ESRRG: variants seen among roughly 807,000 people sequenced by gnomAD.
ESRRG encodes estrogen-related receptor gamma.
In ESRRG, 13 loss-of-function variants were observed where a neutral mutation model predicts 44.0. The observed-to-expected ratio is 0.30, with a 90% CI of 0.19 to 0.47. The LOEUF is 0.47. ESRRG is among the 20% of genes least tolerant of loss of function. ESRRG has a pLI of 1.00. For missense variants in ESRRG, 395 were observed against 580.6 expected, an observed-to-expected ratio of 0.68 and a Z score of 3.29; for synonymous variants, 215 against 214.6, an observed-to-expected ratio of 1.00 and a Z score of -0.02.
chr1:216,539,552 G>A (rs2052055413), intron 5 of ESRRG, among the ~76,000 whole-genome samples: 1 of 151,852 alleles, frequency 6.6e-6, no homozygotes, highest in South Asian at 2.1e-4. Flanking sequence ...GCACACTCCT[G>A]CCTCAGGACC....
At chr1:217,006,637 C>T (rs2077776547) in intron 1 of ESRRG, among the ~76,000 whole-genome samples, 2 of 152,090 alleles carry the variant, frequency 1.3e-5, no homozygotes, top group Non-Finnish European at 2.9e-5. Flanking sequence ...GAATGGGACT[C>T]AAGTCTAAAC....
chr1:216,796,001 G>A (rs1199453813), intron 2 of ESRRG, among the ~76,000 whole-genome samples: 7 of 152,180 alleles, frequency 4.6e-5, no homozygotes, highest in Non-Finnish European at 7.3e-5. Context: ...TTGCATATCA[G>A]GTATTGGTGT....
intron 1 of ESRRG, among the ~76,000 whole-genome samples, chr1:216,961,517 T>C (rs1456843513): frequency 1.3e-5 from 2 of 151,478 alleles, no homozygotes; most frequent in African/African-American, 4.8e-5. Context: ...TTAAGTATAT[T>C]CCTACATTCC....
intron 2 of ESRRG, among the ~76,000 whole-genome samples, chr1:216,929,026 T>A (rs1337869938): frequency 6.6e-6 from 1 of 152,100 alleles, no homozygotes; most frequent in East Asian, 1.9e-4. Flanking sequence ...TAGAGATGGA[T>A]GATGAACAAG....
intron 2 of ESRRG, among the ~76,000 whole-genome samples, chr1:216,665,643 A>C (rs1232014780): frequency 1.3e-5 from 2 of 152,192 alleles, no homozygotes; most frequent in East Asian, 3.8e-4. Context: ...CATATAGTTA[A>C]CACTAATGTA....
At chr1:216,670,327 A>G (rs560787825) in intron 2 of ESRRG, among the ~76,000 whole-genome samples, 1 of 152,376 alleles carries the variant, frequency 6.6e-6, no homozygotes, top group African/African-American at 2.4e-5. Context: ...AGTTGATTGC[A>G]TCAGATCCAA....
intron 1 of ESRRG, among the ~76,000 whole-genome samples, chr1:217,074,240 G>A (rs1208101146): frequency 6.6e-6 from 1 of 151,498 alleles, no homozygotes; most frequent in Non-Finnish European, 1.5e-5. Context: ...GTAGAGACAG[G>A]GTTTCACCAT....
intron 2 of ESRRG, among the ~76,000 whole-genome samples, chr1:216,833,873 C>G (rs2095523495): frequency 6.6e-6 from 1 of 152,130 alleles, no homozygotes; most frequent in Non-Finnish European, 1.5e-5. Flanking sequence ...TTGAGGCTGG[C>G]TCGAGGAGCA....
At chr1:216,549,648 C>A (rs1476978000) in intron 5 of ESRRG, among the ~76,000 whole-genome samples, 1 of 152,046 alleles carries the variant, frequency 6.6e-6, no homozygotes, top group Non-Finnish European at 1.5e-5. Flanking sequence ...TCTTTCTTGG[C>A]CATACTGGGG....
intron 1 of ESRRG, among the ~76,000 whole-genome samples, chr1:216,953,083 C>T (rs570255029): frequency 2.0e-5 from 3 of 152,102 alleles, no homozygotes; most frequent in African/African-American, 4.8e-5. Flanking sequence ...TTGGCTGCTT[C>T]GAGCTTTTCT....
At chr1:216,918,012 C>T (rs1421552779) in intron 2 of ESRRG, among the ~76,000 whole-genome samples, 1 of 152,156 alleles carries the variant, frequency 6.6e-6, no homozygotes, top group African/African-American at 2.4e-5. Flanking sequence ...CATTTTTACC[C>T]AGTTCATCAA....
intron 1 of ESRRG, chr1:216,707,289 G>A (rs974712937): frequency 4.7e-6 from 7 of 1,499,158 alleles, no homozygotes; most frequent in East Asian, 2.5e-5. Flanking sequence ...TACAAGTAAC[G>A]TTGAGCATTT....
intron 2 of ESRRG, among the ~76,000 whole-genome samples, chr1:216,922,508 A>G (rs1189017483): frequency 6.6e-5 from 10 of 152,234 alleles, no homozygotes; most frequent in Non-Finnish European, 1.5e-4. Flanking sequence ...AAAGAAGGAT[A>G]TAGTGCTGGT....
intron 2 of ESRRG, among the ~76,000 whole-genome samples, chr1:216,759,435 C>T (rs1372654027): frequency 1.3e-5 from 2 of 152,096 alleles, no homozygotes; most frequent in African/African-American, 4.8e-5. Flanking sequence ...TCTCCTCCAC[C>T]CACCACATGG....
intron 2 of ESRRG, among the ~76,000 whole-genome samples, chr1:216,899,768 A>T (rs1188239143): frequency 6.6e-6 from 1 of 152,206 alleles, no homozygotes; most frequent in Non-Finnish European, 1.5e-5. Context: ...GAGGGAAGAC[A>T]GGGAATGTTT....
intron 1 of ESRRG, among the ~76,000 whole-genome samples, chr1:216,957,427 A>T (rs1245083729): frequency 6.6e-6 from 1 of 152,130 alleles, no homozygotes; most frequent in Admixed American, 6.6e-5. Context: ...ATGCATCTCA[A>T]AATTAACATT....
intron 1 of ESRRG, among the ~76,000 whole-genome samples, chr1:217,004,944 C>G (rs901877387): frequency 7.9e-5 from 12 of 152,122 alleles, no homozygotes; most frequent in African/African-American, 2.9e-4. Context: ...CCCCATGAGT[C>G]ATATTGTTTT....
intron 2 of ESRRG, among the ~76,000 whole-genome samples, chr1:216,884,973 A>C (rs2096495235): frequency 6.6e-6 from 1 of 152,234 alleles, no homozygotes; most frequent in South Asian, 2.1e-4. Context: ...AGGAAATAGG[A>C]TGAAGTCAAA....
At chr1:216,805,410 T>G (rs1242682153) in intron 2 of ESRRG, 2 of 152,168 alleles carry the variant, frequency 1.3e-5, no homozygotes, top group African/African-American at 4.8e-5. Flanking sequence ...ATCTGGGTTT[T>G]TAAAGTGCTG....
Sources: allele counts gnomAD v4.1 joint callset (sites outside exome capture counted in the v4.1 genomes callset), GRCh38; gene constraint gnomAD v4.1.1; transcripts MANE v1.5; gene names NCBI Gene and HGNC (gene_info 2026-07-23, HGNC 2026-07-21).